The following USP45 variants were observed in gnomAD, a reference collection of about 807,000 sequenced individuals.
The protein encoded by USP45 is ubiquitin specific peptidase 45.
In USP45, 89 loss-of-function variants were observed where a neutral mutation model predicts 95.8. That is an observed-to-expected ratio of 0.93 (90% CI 0.78 to 1.11). The LOEUF (loss-of-function observed/expected upper bound fraction) is 1.11. Among genes scored for constraint, USP45 ranks in the 50% least tolerant of loss-of-function variants. USP45 has a pLI of 0.00. For missense variants in USP45, 898 were observed against 942.5 expected (o/e 0.95, Z 0.62); for synonymous variants, 281 against 316.2 (o/e 0.89, Z 1.18).
chr6:99,505,589 C>G (rs140741371), intron 4 of USP45, among the ~76,000 whole-genome samples: 1 of 147,444 alleles, frequency 6.8e-6, no homozygotes, highest in East Asian at 2.0e-4. Context: ...TGCAGTGAGC[C>G]GAGATCACGC....
At chr6:99,496,468 A>C (rs1796325581) in intron 5 of USP45, among the ~76,000 whole-genome samples, 1 of 152,066 alleles carries the variant, frequency 6.6e-6, no homozygotes. Context: ...GTCTATTGTA[A>C]ACCAGGAGCA....
intron 4 of USP45, among the ~76,000 whole-genome samples, chr6:99,506,303 A>G (rs534325735): frequency 2.9e-4 from 44 of 152,322 alleles, no homozygotes; most frequent in Non-Finnish European, 4.7e-4. Flanking sequence ...TGATATGCTA[A>G]TAAGAAACTA....
At chr6:99,510,708 C>T (rs980579318) in intron 1 of USP45, among the ~76,000 whole-genome samples, 2 of 152,178 alleles carry the variant, frequency 1.3e-5, no homozygotes, top group South Asian at 2.1e-4. Context: ...TGACCCTGTA[C>T]TTCCCAGCTC....
chr6:99,485,583 G>A (rs541989372), intron 7 of USP45, among the ~76,000 whole-genome samples: 1 of 152,230 alleles, frequency 6.6e-6, no homozygotes, highest in East Asian at 1.9e-4. Context: ...AATGTGGGGG[G>A]GAGTTGAAGG....
At position 99,508,678 on chromosome 6, in the gene USP45, T is replaced by G; in HGVS notation, c.205A>C (p.Arg69=). The G allele has an allele frequency of 6.2e-7, 1 of 1,613,960 alleles. No individual in the cohort carries two copies. Among genetic ancestry groups the G allele is most frequent in the Non-Finnish European group, 8.5e-7 (1 of 1,179,966 alleles). Residue 69 remains arginine (R), a synonymous_variant, in exon 3 of 18, where the codon AGA becomes CGA. Transcript: ENST00000500704. ...ACTAGCTGCCCATCATAGAATCTTC[T>G]TTCTTTTAAACATTCTGAGCAAACT... ...WSVCSECLKE[R]RFYDGQLVLT... is the part of the protein sequence containing the mutation.
Position 99,503,865 on chromosome 6 carries a change from C to A in USP45, c.378G>T (p.Trp126Cys). The change falls in exon 5 of 18, where the codon TGG becomes TGT. Residue 126 changes from tryptophan to cysteine, a missense_variant and splice_region_variant. Trp to Cys is a radical substitution (Grantham distance 215, BLOSUM62 -2). Transcript: ENST00000500704. ...ATAATTTTTCATCACATTCATAACA[C>A]CTGAAAAAGTATAAAATTTAAGAAA... Reference protein sequence around the residue: ...IIINLSTWIIWCYECDEKLST... With the variant: ...IIINLSTWIICCYECDEKLST... 4 of 1,547,996 alleles carry A rather than the reference C, an allele frequency of 2.6e-6. No homozygotes were observed. Among genetic ancestry groups the A allele is most frequent in the Non-Finnish European group, 2.6e-6 (3 of 1,145,864 alleles).
intron 13 of USP45, among the ~76,000 whole-genome samples, chr6:99,449,725 T>C (rs1783425031): frequency 6.6e-6 from 1 of 152,166 alleles, no homozygotes; most frequent in South Asian, 2.1e-4. Flanking sequence ...ATCAACAGAA[T>C]ATACATTCTT....
chr6:99,446,251 A>G lies in USP45; in HGVS notation c.1521T>C (p.Pro507=). The part of the protein sequence containing the change: ...SESNVDADSE[P]SESESASKQT... ...GCTTTGAAGCACTTTCAGATTCTGA[A>G]GGCTCACTGTCAGCATCAACATTGC... The change falls in exon 14 of 18, where the codon CCT becomes CCC. Residue 507 remains proline, a synonymous_variant. Coordinates refer to ENST00000500704, the MANE Select transcript of USP45 (RefSeq NM_001346022.3). 1 of 1,614,184 alleles carries G rather than the reference A, an allele frequency of 6.2e-7. No homozygotes were observed. Among genetic ancestry groups the G allele is most frequent in the South Asian group, 1.1e-5 (1 of 91,088 alleles).
chr6:99,503,866 C>CCTATAATCCA lies in USP45; in HGVS notation c.378-2_378-1insTGGATTATAG. The CCTATAATCCA allele has an allele frequency of 6.5e-7, 1 of 1,542,032 alleles. No individual in the cohort carries two copies. Among genetic ancestry groups the CCTATAATCCA allele is most frequent in the Non-Finnish European group, 8.8e-7 (1 of 1,141,886 alleles). On this transcript the variant is annotated splice_acceptor_variant, in intron 4 of 17. Coordinates refer to ENST00000500704, the MANE Select transcript of USP45 (RefSeq NM_001346022.3). LOFTEE classifies it high-confidence loss of function. ...TAATTTTTCATCACATTCATAACAC[C>CCTATAATCCA]TGAAAAAGTATAAAATTTAAGAAAA...
intron 13 of USP45, among the ~76,000 whole-genome samples, chr6:99,457,739 G>C (rs1785415481): frequency 6.6e-6 from 1 of 152,066 alleles, no homozygotes; most frequent in African/African-American, 2.4e-5. Context: ...ACCTAAGAGG[G>C]CTTGTTGTTT....
chr6:99,465,214 A>C, intron 11 of USP45, 78 bp from the exon 12 acceptor site: 1 of 1,261,898 alleles, frequency 7.9e-7, no homozygotes, highest in South Asian at 1.7e-5. Context: ...CAAAGAAATC[A>C]AACTTCCCGG....
intron 2 of USP45, among the ~76,000 whole-genome samples, chr6:99,509,158 G>C (rs1374642170): frequency 6.6e-6 from 1 of 152,138 alleles, no homozygotes; most frequent in African/African-American, 2.4e-5. Context: ...AAGGATGTCT[G>C]AATTATCTCT....
intron 12 of USP45, 49 bp downstream of exon 12, chr6:99,465,030 TG>T (rs1253599787): frequency 7.0e-7 from 1 of 1,428,308 alleles, no homozygotes; most frequent in South Asian, 1.3e-5. Context: ...TTTAAATAAA[TG>T]ATTAAATGTT....
rs544852092 is a variant in USP45, at chr6:99,469,307, A to C, written c.934-689T>G. Among the ~76,000 whole-genome samples, 25 of 151,892 alleles carry C rather than the reference A, an allele frequency of 1.6e-4. No individual in the cohort carries two copies. In the East Asian group the frequency reaches 3.3e-3, roughly 20 times the overall value. The stretch of plus-strand genomic sequence containing the variant: ...AATCTCACAGAAAAGTTTCAGAATA[A>C]AACTACATACTCCAAGAATAAAACT... On this transcript the variant is annotated intron_variant, in intron 9 of 17. Transcript: ENST00000500704.
At chr6:99,450,541 A>G (rs1257148001) in intron 13 of USP45, among the ~76,000 whole-genome samples, 2 of 152,244 alleles carry the variant, frequency 1.3e-5, no homozygotes, top group Non-Finnish European at 2.9e-5. Flanking sequence ...GGCAATAATT[A>G]ATAGCCTACC....
chr6:99,485,582 G>A (rs1327735372), intron 7 of USP45, among the ~76,000 whole-genome samples: 1 of 152,172 alleles, frequency 6.6e-6, no homozygotes, highest in East Asian at 1.9e-4. Flanking sequence ...GAATGTGGGG[G>A]GGAGTTGAAG....
chr6:99,514,781 T>TA (rs1196264507), intron 1 of USP45: 1 of 152,218 alleles, frequency 6.6e-6, no homozygotes, highest in Non-Finnish European at 1.5e-5. Flanking sequence ...GAGCAGCACT[T>TA]ATGGTTTTGC....
chr6:99,500,547 A>C (rs1161111776), intron 5 of USP45, among the ~76,000 whole-genome samples: 3 of 152,122 alleles, frequency 2.0e-5, no homozygotes, highest in Non-Finnish European at 4.4e-5. Flanking sequence ...AACCTTAGGG[A>C]ATCTCTAAGG....
intron 8 of USP45, among the ~76,000 whole-genome samples, chr6:99,481,348 G>C (rs1031976896): frequency 7.2e-5 from 11 of 152,178 alleles, no homozygotes; most frequent in Non-Finnish European, 1.3e-4. Flanking sequence ...TAAAGATAGA[G>C]AGGAGTTTGA....
Sources: allele counts gnomAD v4.1 joint callset (sites outside exome capture counted in the v4.1 genomes callset), GRCh38; gene constraint gnomAD v4.1.1; transcripts MANE v1.5; gene names NCBI Gene and HGNC (gene_info 2026-07-23, HGNC 2026-07-21).